Variants in CAMKMT observed in about 807,000 individuals in gnomAD.
CAMKMT encodes the protein calmodulin-lysine N-methyltransferase.
A neutral mutation model predicts 48.0 loss-of-function variants in CAMKMT; 53 were observed. That is an observed-to-expected ratio of 1.10 (90% confidence interval 0.89 to 1.39). CAMKMT has a LOEUF of 1.39. CAMKMT is among the 40% of genes most tolerant of loss of function. The probability of loss-of-function intolerance (pLI) is 0.00; values close to 1 mark genes in which losing one functional copy is unlikely to be tolerated. For missense variants in CAMKMT, 428 were observed against 402.7 expected (o/e 1.06, Z -0.54); for synonymous variants, 165 against 152.3 (o/e 1.08, Z -0.61).
Position 44,650,851 on chromosome 2 carries a change from GAA to G in CAMKMT, c.377-53421_377-53420del, listed in dbSNP as rs11362435. On this transcript the variant is annotated intron_variant, in intron 3 of 10. Transcript: ENST00000378494. ...TAAAGTTGTAAAACTTATTGCACAA[GAA>G]AAAAAAAAAACAGTGGGAAATGACA... Among the ~76,000 whole-genome samples the G allele has an allele frequency of 6.9e-4, 99 of 144,068 alleles. No homozygotes were observed. The Middle Eastern group carries it at 0.01, about 15-fold the overall frequency. The allele number at this position is 144,068 out of a possible 152,430, so 94.5% of individuals were successfully genotyped here.
intron 3 of CAMKMT, among the ~76,000 whole-genome samples, chr2:44,420,623 T>G (rs141849149): frequency 0.017 from 2,653 of 152,112 alleles, 66 homozygotes; most frequent in African/African-American, 0.06. Flanking sequence ...GAGTCAACTG[T>G]GTATAAAACC....
chr2:44,595,579 T>C (rs1358918776), intron 3 of CAMKMT, among the ~76,000 whole-genome samples: 1 of 152,200 alleles, frequency 6.6e-6, no homozygotes. Flanking sequence ...CCCAAAGTAA[T>C]TTATAGATTC....
intron 3 of CAMKMT, among the ~76,000 whole-genome samples, chr2:44,602,274 T>G (rs1455406241): frequency 6.6e-6 from 1 of 152,088 alleles, no homozygotes; most frequent in Non-Finnish European, 1.5e-5. Flanking sequence ...TGAGCCACCA[T>G]GCCTGGCCCT....
At chr2:44,577,649 G>C (rs539878471) in intron 3 of CAMKMT, among the ~76,000 whole-genome samples, 16 of 148,188 alleles carry the variant, frequency 1.1e-4, no homozygotes, top group Non-Finnish European at 2.2e-4. Flanking sequence ...AGGACGGGGA[G>C]GGGGAGAGAG....
At chr2:44,746,697 A>G (rs2104379109) in intron 8 of CAMKMT, among the ~76,000 whole-genome samples, 1 of 152,364 alleles carries the variant, frequency 6.6e-6, no homozygotes, top group South Asian at 2.1e-4. Context: ...GACAAACATC[A>G]AAATATTAGA....
chr2:44,695,058 A>G (rs1173847854), intron 3 of CAMKMT, among the ~76,000 whole-genome samples: 1 of 152,266 alleles, frequency 6.6e-6, no homozygotes, highest in Non-Finnish European at 1.5e-5. Flanking sequence ...TTTTTAGATT[A>G]ACACTTTAGC....
rs572582358 is a variant in CAMKMT, at chr2:44,703,701, C to T, written c.377-582C>T. On this transcript the variant is annotated intron_variant, in intron 3 of 10. Coordinates refer to ENST00000378494, the MANE Select transcript of CAMKMT (RefSeq NM_024766.5). ...GCTGAGGCAGGAGAATCACTTGAAT[C>T]CAGGAGGCAGACTTTACAGTGAGCT... is the stretch of plus-strand genomic sequence containing the variant. Among the ~76,000 whole-genome samples, 13 of 149,956 alleles carry T rather than the reference C, an allele frequency of 8.7e-5. No homozygotes were observed. The South Asian group carries it at 2.1e-3, about 24-fold the overall frequency.
In CAMKMT at chr2:44,772,297, C is replaced by A; in HGVS notation, c.*184C>A. ...CAGCTGCCCTCTCCAGCTCCCTCCC[C>A]GCCTCTTTTTACACTCTGCTTGTTG... is the stretch of plus-strand genomic sequence containing the variant. On this transcript the variant is annotated 3_prime_UTR_variant, in exon 11 of 11. Coordinates refer to ENST00000378494, the MANE Select transcript of CAMKMT (RefSeq NM_024766.5). 3 of 545,740 alleles carry A rather than the reference C, an allele frequency of 5.5e-6. No individual in the cohort carries two copies. The South Asian group carries it at 7.8e-5, about 14-fold the overall frequency. The allele number at this position is 545,740 out of a possible 1,614,324, so 33.8% of individuals were successfully genotyped here.
intron 7 of CAMKMT, among the ~76,000 whole-genome samples, chr2:44,737,738 T>TTCTCTCTCTCTCTCTTTCTC (rs932398049): frequency 1.3e-4 from 19 of 150,818 alleles, no homozygotes; most frequent in Non-Finnish European, 2.2e-4. Context: ...ATCTCCAGAG[T>TTCTCTCTCTCTCTCTTTCTC]TCTCTCTCTC....
At chr2:44,586,354 T>C (rs1669860069) in intron 3 of CAMKMT, among the ~76,000 whole-genome samples, 1 of 143,310 alleles carries the variant, frequency 7.0e-6, no homozygotes, top group African/African-American at 2.6e-5. Context: ...GGATTCCCTA[T>C]TTAATGAAAC....
At chr2:44,655,768 C>T (rs375799368) in intron 3 of CAMKMT, among the ~76,000 whole-genome samples, 7 of 152,146 alleles carry the variant, frequency 4.6e-5, no homozygotes, top group South Asian at 2.1e-4. Context: ...CCATGCTTAC[C>T]GAGCTTGTTC....
At chr2:44,542,439 C>G (rs1440007278) in intron 3 of CAMKMT, among the ~76,000 whole-genome samples, 1 of 149,488 alleles carries the variant, frequency 6.7e-6, no homozygotes, top group Non-Finnish European at 1.5e-5. Context: ...ATGCTGACAG[C>G]AAAGACCTCC....
chr2:44,396,874 C>CA (rs1681897989), intron 3 of CAMKMT, among the ~76,000 whole-genome samples: 2 of 151,808 alleles, frequency 1.3e-5, no homozygotes, highest in Admixed American at 1.3e-4. Context: ...TCCTGGCCAA[C>CA]ATGGTGAAAC....
At chr2:44,760,017 G>C (rs1372074882) in intron 9 of CAMKMT, among the ~76,000 whole-genome samples, 1 of 152,134 alleles carries the variant, frequency 6.6e-6, no homozygotes, top group Non-Finnish European at 1.5e-5. Context: ...TATCTGCTTG[G>C]CACTGACGCC....
intron 3 of CAMKMT, among the ~76,000 whole-genome samples, chr2:44,688,135 T>G (rs1434930273): frequency 6.6e-6 from 1 of 152,216 alleles, no homozygotes; most frequent in East Asian, 1.9e-4. Context: ...TGTTGTTTAA[T>G]TTTTAATGAC....
At chr2:44,746,861 G>A (rs1002183548) in intron 8 of CAMKMT, among the ~76,000 whole-genome samples, 3 of 152,194 alleles carry the variant, frequency 2.0e-5, no homozygotes, top group African/African-American at 7.2e-5. Context: ...TTAATTTTAA[G>A]CCTGCCTTTC....
In CAMKMT at chr2:44,667,900, A is replaced by G. The variant is rs150157280; in HGVS notation, c.377-36383A>G. Among the ~76,000 whole-genome samples, 3 of 152,010 alleles carry G rather than the reference A, an allele frequency of 2.0e-5. No individual in the cohort carries two copies. In the East Asian group the frequency reaches 5.8e-4, roughly 29 times the overall value. ...CAGGTTCTCATTTATCTTCTTCCCTATTTAGGTTCCATGCCCATGACTAGG... is the reference window on the plus strand; with the variant it reads ...CAGGTTCTCATTTATCTTCTTCCCTGTTTAGGTTCCATGCCCATGACTAGG... On this transcript the variant is annotated intron_variant, in intron 3 of 10. Coordinates refer to ENST00000378494, the MANE Select transcript of CAMKMT (RefSeq NM_024766.5).
At chr2:44,602,544 G>A (rs1018668071) in intron 3 of CAMKMT, among the ~76,000 whole-genome samples, 1 of 152,026 alleles carries the variant, frequency 6.6e-6, no homozygotes, top group Non-Finnish European at 1.5e-5. Context: ...AACTACCTGA[G>A]ACTGGGTAAT....
intron 3 of CAMKMT, among the ~76,000 whole-genome samples, chr2:44,418,105 T>TGG: frequency 6.7e-6 from 1 of 150,174 alleles, no homozygotes; most frequent in Non-Finnish European, 1.5e-5. Flanking sequence ...GGCGGGAGAA[T>TGG]CGATTGAACC....
Sources: gnomAD v4.1 joint callset for allele counts (sites outside exome capture counted in the v4.1 genomes callset) on GRCh38, gnomAD v4.1.1 for gene constraint, MANE v1.5 for transcripts, NCBI Gene and HGNC (gene_info 2026-07-23, HGNC 2026-07-21) for gene names.